PLEKHG5: variants seen among roughly 807,000 people sequenced by gnomAD.
PLEKHG5 encodes pleckstrin homology and RhoGEF domain containing G5.
A neutral mutation model predicts 103.8 loss-of-function variants in PLEKHG5; 52 were observed. The observed-to-expected ratio is 0.50, with a 90% CI of 0.40 to 0.63. The LOEUF (loss-of-function observed/expected upper bound fraction) is 0.63. Ranked by LOEUF, PLEKHG5 falls within the 30% of genes least tolerant of loss-of-function variation. PLEKHG5 has a pLI of 0.00. For synonymous variants in PLEKHG5, 592 were observed against 575.5 expected (o/e 1.03, Z -0.41); for missense variants, 1,205 against 1,347.6 (o/e 0.89, Z 1.66).
In PLEKHG5 at chr1:6,486,276, C is replaced by G. The variant is rs372610556; in HGVS notation, c.-88+5361G>C. Among the ~76,000 whole-genome samples, 42 of 152,244 alleles carry G rather than the reference C, an allele frequency of 2.8e-4. No individual in the cohort carries two copies. The highest frequency in any genetic ancestry group is 1.2e-3 in the East Asian group (6 of 5,166). ...TCCCCTCAGGGTCCTTGGTCCGGCTCTCCATCTAGCCCCAGGGACACCCCT... is the reference window on the plus strand; with the variant it reads ...TCCCCTCAGGGTCCTTGGTCCGGCTGTCCATCTAGCCCCAGGGACACCCCT... On this transcript the variant is annotated intron_variant, in intron 1 of 20. Coordinates refer to ENST00000377728, the MANE Select transcript of PLEKHG5 (RefSeq NM_020631.6). This position sits in a 1 kb window ranked among gnomAD's most constrained non-coding sequence, Gnocchi z 5.3.
chr1:6,485,442 A>C (rs1645007412), intron 1 of PLEKHG5: 1 of 1,272,528 alleles, frequency 7.9e-7, no homozygotes, highest in African/African-American at 1.6e-5. Flanking sequence ...TCCTGTCCCC[A>C]TGGCGGCCGG....
At chr1:6,481,035 C>G (rs1397603310) in intron 1 of PLEKHG5, among the ~76,000 whole-genome samples, 1 of 152,162 alleles carries the variant, frequency 6.6e-6, no homozygotes, top group Non-Finnish European at 1.5e-5. Context: ...TATCTGTGGC[C>G]TCAACCCAGC....
chr1:6,499,980 TTA>T (rs1645277685), upstream of PLEKHG5, among the ~76,000 whole-genome samples: 1 of 152,074 alleles, frequency 6.6e-6, no homozygotes, highest in Non-Finnish European at 1.5e-5. Context: ...TTTAATTTTT[TTA>T]TAGCAACGGA....
chr1:6,496,569 T>A (rs368728756), upstream of PLEKHG5: 39 of 1,566,328 alleles, frequency 2.5e-5, no homozygotes, highest in Non-Finnish European at 3.2e-5. Flanking sequence ...GCTCTGGTCG[T>A]CTGCAGGGGA....
Position 6,468,643 on chromosome 1 carries a change from G to GC in PLEKHG5, c.2250-58dup. Reference sequence around the variant, plus strand: ...CATGAAACCTAGATGGCCTGAGGCAGCCCCAGGCTGGGCAATGCACGGTGG... The same window carrying GC: ...CATGAAACCTAGATGGCCTGAGGCAGCCCCCAGGCTGGGCAATGCACGGTGG... On this transcript the variant is annotated intron_variant, in intron 19 of 20. Transcript: ENST00000377728. 6 of 1,596,038 alleles carry GC rather than the reference G, an allele frequency of 3.8e-6. No individual in the cohort carries two copies. The South Asian group carries it at 6.6e-5, about 18-fold the overall frequency.
chr1:6,484,722 A>G (rs1329022828), intron 1 of PLEKHG5, among the ~76,000 whole-genome samples: 1 of 151,666 alleles, frequency 6.6e-6, no homozygotes, highest in African/African-American at 2.4e-5. Flanking sequence ...CCTGCCCACC[A>G]TGTCCTGCCT....
intron 7 of PLEKHG5, 37 bp downstream of exon 7, chr1:6,473,976 T>TAG: frequency 7.9e-7 from 1 of 1,265,562 alleles, no homozygotes; most frequent in Non-Finnish European, 1.1e-6. Context: ...CTGGGCCCCT[T>TAG]CCCACCCCCT....
intron 1 of PLEKHG5, among the ~76,000 whole-genome samples, chr1:6,489,243 G>A (rs1326464687): frequency 6.6e-6 from 1 of 152,050 alleles, no homozygotes; most frequent in African/African-American, 2.4e-5. Flanking sequence ...GGGCAGGCCA[G>A]CCAGGGCGGG....
At position 6,501,868 on chromosome 1, in the gene PLEKHG5, C is replaced by T. The variant is rs926994596; in HGVS notation, c.-164-5299G>A. 3.3e-5 allele frequency among the ~76,000 whole-genome samples: 5 copies of T among 152,300 alleles called. No homozygotes were observed. The highest frequency in any genetic ancestry group is 5.9e-5 in the Non-Finnish European group (4 of 68,026). ...GACACAAGTGCATGGAAAACCACCT[C>T]GTTCTCATTTTCTCCAGGGTAGCCC... is the stretch of plus-strand genomic sequence containing the variant. On this transcript the variant is annotated intron_variant, in intron 1 of 21. Coordinates refer to the PLEKHG5 transcript ENST00000377740. This position sits in a 1 kb window ranked among gnomAD's most constrained non-coding sequence, Gnocchi z 4.3.
At chr1:6,471,685 G>A in intron 11 of PLEKHG5, 48 bp from the exon 12 acceptor site, 1 of 1,572,918 alleles carries the variant, frequency 6.4e-7, no homozygotes, top group Non-Finnish European at 8.6e-7. Flanking sequence ...CGCCAGGTTA[G>A]CCCCGCCCCA....
rs918159342 is a variant in PLEKHG5, at chr1:6,491,575, G to C, written c.-88+62C>G. On this transcript the variant is annotated intron_variant, in intron 1 of 20. Transcript: ENST00000377728. The surrounding 1 kb of genome is among the most constrained non-coding windows in gnomAD (Gnocchi z 4.1). ...GCCATTCCCTGGGGCATCCTGGTCTGCCGCTGCTCACCCCCAAAGCATTGC... is the reference window on the plus strand; with the variant it reads ...GCCATTCCCTGGGGCATCCTGGTCTCCCGCTGCTCACCCCCAAAGCATTGC... The C allele has an allele frequency of 1.2e-6, 1 of 863,922 alleles. No homozygotes were observed. Among genetic ancestry groups the C allele is most frequent in the African/African-American group, 1.8e-5 (1 of 54,366 alleles). The allele number at this position is 863,922 out of a possible 1,614,324, so 53.5% of individuals were successfully genotyped here. A position where few individuals can be genotyped will look rare whatever the true frequency, so the allele number is the denominator to read the frequency against.
upstream of PLEKHG5, among the ~76,000 whole-genome samples, chr1:6,492,955 C>G (rs1463565746): frequency 7.8e-6 from 1 of 127,616 alleles, no homozygotes; most frequent in Non-Finnish European, 1.5e-5. Flanking sequence ...CTTATAGCCC[C>G]CAATGTCCCC....
upstream of PLEKHG5, chr1:6,491,704 C>T (rs1645153491): frequency 1.0e-6 from 1 of 985,468 alleles, no homozygotes; most frequent in African/African-American, 1.7e-5. The surrounding 1 kb of genome is among the most constrained non-coding windows in gnomAD (Gnocchi z 4.1). Context: ...TTCATCTCAC[C>T]ACCCCTCCCT....
intron 10 of PLEKHG5, among the ~76,000 whole-genome samples, 178 bp downstream of exon 10, chr1:6,472,349 G>GC (rs1417691565): frequency 6.6e-6 from 1 of 152,230 alleles, no homozygotes; most frequent in African/African-American, 2.4e-5. Flanking sequence ...CCTGCCCGAA[G>GC]CCCCCTCCCA....
At chr1:6,481,523 CAAAATAAATAAA>C (rs1255996674) in intron 1 of PLEKHG5, among the ~76,000 whole-genome samples, 2 of 130,098 alleles carry the variant, frequency 1.5e-5, no homozygotes, top group African/African-American at 3.3e-5. Flanking sequence ...AACTCCGTCT[CAAAATAAATAAA>C]TAAATAAATA....
upstream of PLEKHG5, chr1:6,496,559 G>GCT (rs1257693722): frequency 6.3e-7 from 1 of 1,576,868 alleles, no homozygotes; most frequent in Non-Finnish European, 8.6e-7. Flanking sequence ...TTTCAGCGGG[G>GCT]CTCTGGTCGT....
intron 1 of PLEKHG5, among the ~76,000 whole-genome samples, chr1:6,510,826 C>T (rs1638450869): frequency 6.6e-6 from 1 of 152,132 alleles, no homozygotes; most frequent in East Asian, 1.9e-4. Context: ...GTGGCTCATG[C>T]CTACAATCCC....
At chr1:6,492,898 C>T (rs919792008), upstream of PLEKHG5, among the ~76,000 whole-genome samples, 2 of 151,934 alleles carry the variant, frequency 1.3e-5, no homozygotes, top group Admixed American at 1.3e-4. Context: ...GCCTGCCTCC[C>T]CCTCCTCCCG....
upstream of PLEKHG5, among the ~76,000 whole-genome samples, chr1:6,492,908 G>A (rs771808221): frequency 1.7e-4 from 23 of 137,272 alleles, no homozygotes; most frequent in Non-Finnish European, 3.0e-4. Context: ...CCCTCCTCCC[G>A]TCCCCTTCTC....
Sources: allele counts gnomAD v4.1 joint callset (sites outside exome capture counted in the v4.1 genomes callset), GRCh38; gene constraint gnomAD v4.1.1; non-coding constraint Gnocchi (gnomAD v3.1); transcripts MANE v1.5; gene names NCBI Gene and HGNC (gene_info 2026-07-23, HGNC 2026-07-21).